Variants in SYT3 observed in about 807,000 individuals in gnomAD.
SYT3 encodes synaptotagmin 3.
SYT3 carries 25 observed loss-of-function variants against 50.6 expected under a neutral mutation model. The ratio of observed to expected loss-of-function variants is 0.49; its 90% CI spans 0.36 to 0.69. The LOEUF is 0.69. Among genes scored for constraint, SYT3 ranks in the 30% least tolerant of loss-of-function variants. The probability of loss-of-function intolerance (pLI) is 0.00; values close to 1 mark genes in which losing one functional copy is unlikely to be tolerated. For synonymous variants in SYT3, 323 were observed against 353.9 expected (o/e 0.91, Z 0.98); for missense variants, 589 against 793.6 (o/e 0.74, Z 3.10).
chr19:50,649,816 C>T, the SYT3 span: 1 of 520,438 alleles, frequency 1.9e-6, no homozygotes, highest in South Asian at 1.5e-5. Context: ...ACTGTCTTGT[C>T]TCCCACCCTG....
intron 9 of SYT3, 102 bp from the exon 10 acceptor site, chr19:50,622,857 G>A (rs1983902518): frequency 3.5e-6 from 2 of 576,318 alleles, no homozygotes; most frequent in Non-Finnish European, 6.3e-6. Flanking sequence ...CATTATTTAG[G>A]ATGCGCTTTC....
intron 2 of SYT3, chr19:50,638,050 A>T (rs1217118709): frequency 1.3e-5 from 2 of 152,398 alleles, no homozygotes; most frequent in African/African-American, 4.8e-5. Context: ...TAGAGTAAAC[A>T]AGCAAACAAA....
rs751067488 is a variant in SYT3, at chr19:50,625,410, G to T, written c.1557C>A (p.Ala519=). The T allele has an allele frequency of 3.2e-6, 5 of 1,553,884 alleles. 1 individual carries two copies. The highest frequency in any genetic ancestry group is 2.4e-5 in the East Asian group (1 of 41,226). ...ESVENVGLSI[A]VVDYDCIGHN... ...CCCCTCACCAGTCGTAGTCTACCAC[G>T]GCGATGCTGAGCCCCACGTTCTCCA... Residue 519 remains alanine, a synonymous_variant, in exon 8 of 11, where the codon GCC becomes GCA. Coordinates refer to ENST00000600079, the MANE Select transcript of SYT3 (RefSeq NM_001160329.2). This position sits in a 1 kb window ranked among gnomAD's most constrained non-coding sequence, Gnocchi z 7.5.
rs60840157 is a variant in SYT3, at chr19:50,633,836, T to C, written c.149-1025A>G. On this transcript the variant is annotated intron_variant, in intron 3 of 10. Transcript: ENST00000600079. ...CCACAAAAGAAAACTGAGGTCTGTA[T>C]ACCCATAGTTACCTGCTCAAAGTCC... 9.5e-3 allele frequency among the ~76,000 whole-genome samples: 1,446 copies of C among 152,334 alleles called. 25 individuals are homozygous for C. The highest frequency in any genetic ancestry group is 0.033 in the African/African-American group (1,384 of 41,570).
intron 2 of SYT3, among the ~76,000 whole-genome samples, chr19:50,638,704 C>A (rs577025824): frequency 1.3e-5 from 2 of 151,742 alleles, no homozygotes; most frequent in Non-Finnish European, 2.9e-5. Context: ...AACGGTCGAA[C>A]GGGAGGATGG....
the SYT3 span, chr19:50,649,810 T>C: frequency 1.9e-6 from 1 of 529,776 alleles, no homozygotes; most frequent in Non-Finnish European, 3.6e-6. Flanking sequence ...AACCTCACTG[T>C]CTTGTCTCCC....
chr19:50,635,378 A>T (rs115388928), intron 3 of SYT3, among the ~76,000 whole-genome samples: 1 of 152,174 alleles, frequency 6.6e-6, no homozygotes, highest in African/African-American at 2.4e-5. Context: ...CCTGATTCAG[A>T]CCCTGTCCAA....
At chr19:50,653,732 ACACACACACG>A in the SYT3 span, among the ~76,000 whole-genome samples, 1 of 129,224 alleles carries the variant, frequency 7.7e-6, no homozygotes, top group African/African-American at 3.3e-5. Flanking sequence ...ACACACACAC[ACACACACACG>A]TTGTCTCAGT....
chr19:50,652,756 G>A, the SYT3 span, among the ~76,000 whole-genome samples: 2 of 152,194 alleles, frequency 1.3e-5, no homozygotes, highest in Non-Finnish European at 2.9e-5. Flanking sequence ...AGGGGCCATA[G>A]GGTCAGGTCT....
Position 50,632,387 on chromosome 19 carries a change from C to A in SYT3, c.573G>T (p.Glu191Asp), listed in dbSNP as rs148772753. The change falls in exon 4 of 11, where the codon GAG becomes GAT. Residue 191 changes from glutamate (E) to aspartate (D), a missense_variant. Coordinates refer to ENST00000600079, the MANE Select transcript of SYT3 (RefSeq NM_001160329.2). The surrounding 1 kb of genome is among the most constrained non-coding windows in gnomAD (Gnocchi z 4.7). ...GGAGCAACCCAGAGCCTGCTCCCCC[C>A]TCAGAGGGCAGCTCAGGGGATGTTT... The part of the protein sequence containing the change: ...PSQTSPELPS[E>D]GGAGSGLLLL... 43 of 1,613,276 alleles carry A rather than the reference C, an allele frequency of 2.7e-5. No individual in the cohort carries two copies. In the South Asian group the frequency reaches 3.4e-4, roughly 13 times the overall value.
chr19:50,650,776 C>T, the SYT3 span, among the ~76,000 whole-genome samples: 25 of 152,338 alleles, frequency 1.6e-4, no homozygotes, highest in South Asian at 4.1e-3. Context: ...CCTTCGAGGC[C>T]GAACAAATGC....
At chr19:50,652,218 A>T in the SYT3 span, among the ~76,000 whole-genome samples, 2 of 152,118 alleles carry the variant, frequency 1.3e-5, no homozygotes, top group Non-Finnish European at 2.9e-5. Flanking sequence ...TCAAAATTGT[A>T]TTTTTTTATA....
the SYT3 span, chr19:50,656,412 A>G: frequency 6.8e-7 from 1 of 1,478,758 alleles, no homozygotes; most frequent in Non-Finnish European, 9.0e-7. Flanking sequence ...GCACAGGCTG[A>G]GAAGCAGTGT....
chr19:50,638,522 A>G (rs1234376570), intron 2 of SYT3, among the ~76,000 whole-genome samples: 3 of 152,012 alleles, frequency 2.0e-5, no homozygotes, highest in Non-Finnish European at 4.4e-5. Context: ...CTCCGAAGAG[A>G]TGGAGAGGTG....
At chr19:50,646,403 G>T in the SYT3 span, among the ~76,000 whole-genome samples, 2 of 147,922 alleles carry the variant, frequency 1.4e-5, no homozygotes, top group Admixed American at 1.3e-4. Flanking sequence ...GGGCAGATGG[G>T]GTTAGGGGGC....
the SYT3 span, chr19:50,658,101 T>A: frequency 2.0e-6 from 3 of 1,535,346 alleles, no homozygotes; most frequent in African/African-American, 1.4e-5. Context: ...ATGAACGTCA[T>A]CTGTGGGACT....
intron 6 of SYT3, 38 bp downstream of exon 6, chr19:50,629,256 C>T (rs760102001): frequency 6.5e-7 from 1 of 1,536,092 alleles, no homozygotes; most frequent in South Asian, 1.2e-5. Context: ...GGTCTCAGGG[C>T]CCTGGGAAGG....
the SYT3 span, among the ~76,000 whole-genome samples, chr19:50,645,021 A>ATGCAGATACT: frequency 3.3e-5 from 5 of 152,240 alleles, no homozygotes; most frequent in Non-Finnish European, 7.3e-5. Context: ...CTGGAGGTAG[A>ATGCAGATACT]TGCAGATACA....
chr19:50,647,291 G>A, the SYT3 span, among the ~76,000 whole-genome samples: 27,149 of 151,928 alleles, frequency 0.18, 2,589 homozygotes, highest in African/African-American at 0.21. Flanking sequence ...TGGGAGGGCC[G>A]TGAGCAGGGC....
Sources: gnomAD v4.1 joint callset for allele counts (sites outside exome capture counted in the v4.1 genomes callset) on GRCh38, gnomAD v4.1.1 for gene constraint, Gnocchi (gnomAD v3.1) non-coding constraint, MANE v1.5 for transcripts, NCBI Gene and HGNC (gene_info 2026-07-23, HGNC 2026-07-21) for gene names.